Variants in PCDH15 observed in about 807,000 individuals in gnomAD.
PCDH15 encodes the protein protocadherin related 15, also known as protocadherin-15.
In PCDH15, 129 loss-of-function variants were observed where a neutral mutation model predicts 178.5. The observed-to-expected ratio is 0.72, with a 90% CI of 0.63 to 0.84. The LOEUF (loss-of-function observed/expected upper bound fraction) is 0.84. Ranked by LOEUF, PCDH15 falls within the 40% of genes least tolerant of loss-of-function variation. The probability of loss-of-function intolerance (pLI) is 0.00; values close to 1 mark genes in which losing one functional copy is unlikely to be tolerated. For missense variants in PCDH15, 2,230 were observed against 2,099.9 expected, an observed-to-expected ratio of 1.06 and a Z score of -1.21; for synonymous variants, 800 against 732.0, an observed-to-expected ratio of 1.09 and a Z score of -1.50.
chr10:53,832,637 T>G (rs1429168429), intron 29 of PCDH15, among the ~76,000 whole-genome samples: 1 of 150,882 alleles, frequency 6.6e-6, no homozygotes, highest in Non-Finnish European at 1.5e-5. Flanking sequence ...ATATATAAAG[T>G]GCTTATGTTG....
intron 3 of PCDH15, among the ~76,000 whole-genome samples, chr10:54,513,237 T>TTTTG (rs1171854665): frequency 1.8e-4 from 25 of 141,348 alleles, no homozygotes; most frequent in African/African-American, 2.6e-4. Context: ...TTTCATTTAT[T>TTTTG]TTTGTTTATT....
chr10:55,457,084 G>A (rs923685088), intron 2 of PCDH15, among the ~76,000 whole-genome samples: 9 of 151,996 alleles, frequency 5.9e-5, no homozygotes, highest in African/African-American at 1.4e-4. Context: ...GTGAAAGTAC[G>A]AAGTCCTAAA....
At chr10:54,060,480 T>C (rs2093991174) in intron 18 of PCDH15, among the ~76,000 whole-genome samples, 1 of 152,184 alleles carries the variant, frequency 6.6e-6, no homozygotes, top group South Asian at 2.1e-4. Context: ...TTAACATAAT[T>C]ATAATAAAAA....
At chr10:55,041,968 C>T (rs371597672) in intron 2 of PCDH15, among the ~76,000 whole-genome samples, 42 of 152,064 alleles carry the variant, frequency 2.8e-4, no homozygotes, top group African/African-American at 8.9e-4. Context: ...TACTAGCATA[C>T]CCAAAATAAT....
At chr10:54,382,950 TTAAC>T (rs1403606259) in intron 3 of PCDH15, among the ~76,000 whole-genome samples, 2 of 152,160 alleles carry the variant, frequency 1.3e-5, no homozygotes, top group African/African-American at 2.4e-5. Flanking sequence ...CCGCACACTA[TTAAC>T]TAACTGTGAG....
At chr10:54,351,458 T>G (rs2134259804) in intron 5 of PCDH15, among the ~76,000 whole-genome samples, 1 of 152,274 alleles carries the variant, frequency 6.6e-6, no homozygotes, top group East Asian at 1.9e-4. Flanking sequence ...AAATATTTCA[T>G]AGCATCAATT....
At chr10:54,446,909 A>ATAGGCATTC in intron 3 of PCDH15, among the ~76,000 whole-genome samples, 1 of 151,722 alleles carries the variant, frequency 6.6e-6, no homozygotes, top group Admixed American at 6.6e-5. Context: ...AAGAATGCCT[A>ATAGGCATTC]TAAGATTGTT....
In PCDH15 at chr10:54,317,355, C is replaced by T. The variant is rs147360655; in HGVS notation, c.792G>A (p.Met264Ile). Reference sequence around the variant, plus strand: ...TTGGCACAAGGACACAAGGAAGAAACATTGGACCCAAGTCATCTCCATCCA... The same window carrying T: ...TTGGCACAAGGACACAAGGAAGAAATATTGGACCCAAGTCATCTCCATCCA... ...DVLDGDDLGPMFLPCVLVPNT... is the reference protein window; with the variant it reads ...DVLDGDDLGPIFLPCVLVPNT... Residue 264 changes from methionine (M) to isoleucine (I), a missense_variant, in exon 8 of 38, where the codon ATG becomes ATA. Physicochemically the swap from Met to Ile is conservative, Grantham distance 10. Transcript: ENST00000644397. 2 of 1,613,846 alleles carry T rather than the reference C, an allele frequency of 1.2e-6. No homozygotes were observed. Among genetic ancestry groups the T allele is most frequent in the South Asian group, 1.1e-5 (1 of 91,084 alleles).
At chr10:55,589,586 G>C (rs1435417485) in intron 2 of PCDH15, among the ~76,000 whole-genome samples, 1 of 151,930 alleles carries the variant, frequency 6.6e-6, no homozygotes, top group South Asian at 2.1e-4. Context: ...CTAATATCCA[G>C]AATCTACAAT....
At chr10:55,554,021 G>A (rs987304004) in intron 2 of PCDH15, among the ~76,000 whole-genome samples, 1 of 151,860 alleles carries the variant, frequency 6.6e-6, no homozygotes, top group African/African-American at 2.4e-5. Flanking sequence ...CACAATTAAG[G>A]TTGTACTCTG....
At chr10:54,464,986 T>G (rs933545098) in intron 3 of PCDH15, among the ~76,000 whole-genome samples, 4 of 152,168 alleles carry the variant, frequency 2.6e-5, no homozygotes, top group African/African-American at 9.6e-5. Flanking sequence ...TAGTTTAACC[T>G]TTTATGTTTT....
At chr10:55,296,994 C>G (rs541704121) in intron 1 of PCDH15, among the ~76,000 whole-genome samples, 4 of 151,910 alleles carry the variant, frequency 2.6e-5, no homozygotes, top group Non-Finnish European at 5.9e-5. Context: ...AAAAAGTTTG[C>G]TGAAGTAATC....
At chr10:55,097,026 A>G (rs538883634) in intron 2 of PCDH15, among the ~76,000 whole-genome samples, 1 of 152,116 alleles carries the variant, frequency 6.6e-6, no homozygotes, top group South Asian at 2.1e-4. Context: ...CCTAATACCT[A>G]AGCTATTGGG....
intron 1 of PCDH15, among the ~76,000 whole-genome samples, chr10:54,736,004 C>T (rs1454789905): frequency 6.6e-6 from 1 of 150,520 alleles, no homozygotes; most frequent in Non-Finnish European, 1.5e-5. Context: ...TACCCTAAAA[C>T]TTAAAGTATA....
At position 54,565,718 on chromosome 10, in the gene PCDH15, G is replaced by A. The variant is rs142072421; in HGVS notation, c.92-37841C>T. On this transcript the variant is annotated intron_variant, in intron 2 of 37. Coordinates refer to ENST00000644397, the MANE Select transcript of PCDH15 (RefSeq NM_001384140.1). ...CATGAAATTAAAAACTTAATTTCTC[G>A]TGTTTTCTTTTATGCAGATTATATC... is the stretch of plus-strand genomic sequence containing the variant. 3.4e-3 allele frequency among the ~76,000 whole-genome samples: 522 copies of A among 152,228 alleles called. 2 individuals carry two copies. Among genetic ancestry groups the A allele is most frequent in the African/African-American group, 0.012 (494 of 41,554 alleles).
At chr10:54,065,527 G>A (rs934761791) in intron 18 of PCDH15, among the ~76,000 whole-genome samples, 1 of 152,206 alleles carries the variant, frequency 6.6e-6, no homozygotes, top group African/African-American at 2.4e-5. Context: ...GCCTTCAGAT[G>A]GGATGCTGGA....
chr10:55,401,788 T>C (rs1321192258), intron 2 of PCDH15, among the ~76,000 whole-genome samples: 1 of 151,988 alleles, frequency 6.6e-6, no homozygotes, highest in Admixed American at 6.6e-5. Context: ...AGACAAAACA[T>C]ATTGATATTT....
intron 2 of PCDH15, among the ~76,000 whole-genome samples, chr10:55,409,500 TTTTG>T (rs1324793314): frequency 2.6e-5 from 4 of 152,162 alleles, no homozygotes; most frequent in Admixed American, 1.3e-4. Context: ...CAGTGGGCTT[TTTTG>T]TTTGTTTGTT....
intron 2 of PCDH15, among the ~76,000 whole-genome samples, chr10:55,010,649 G>A (rs1422372237): frequency 1.3e-5 from 2 of 151,696 alleles, no homozygotes; most frequent in Non-Finnish European, 2.9e-5. Flanking sequence ...CAGAAGGAGG[G>A]CAGTCTTAAT....
Sources: allele counts gnomAD v4.1 joint callset (sites outside exome capture counted in the v4.1 genomes callset), GRCh38; gene constraint gnomAD v4.1.1; transcripts MANE v1.5; gene names NCBI Gene and HGNC (gene_info 2026-07-23, HGNC 2026-07-21).